P2RY12: variants seen among roughly 807,000 people sequenced by gnomAD.
The protein encoded by P2RY12 is purinergic receptor P2Y12.
A neutral mutation model predicts 4.5 loss-of-function variants in P2RY12; 3 were observed. That is an observed-to-expected ratio of 0.67 (90% CI 0.31 to 1.74). The LOEUF is 1.74. Ranked by LOEUF, P2RY12 falls within the 40% of genes most tolerant of loss-of-function variation. P2RY12 has a pLI of 0.09. For missense variants in P2RY12, 356 were observed against 407.8 expected (o/e 0.87, Z 1.09); for synonymous variants, 148 against 154.1 (o/e 0.96, Z 0.29).
In P2RY12 at chr3:151,338,028, T is replaced by C; in HGVS notation, c.818A>G (p.Glu273Gly). Residue 273 changes from glutamate (E) to glycine (G), a missense_variant, in exon 3 of 3, where the codon GAA becomes GGA. Physicochemically the swap from Glu to Gly is moderately conservative, Grantham distance 98. Transcript: ENST00000302632. ...CTCTTTCACATAGAACAGAGTATTT[T>C]CAGCAGTGCAGTCAAAGACATCCCG... is the stretch of plus-strand genomic sequence containing the variant. ...QTRDVFDCTA[E>G]NTLFYVKEST... 1 of 1,614,116 alleles carries C rather than the reference T, an allele frequency of 6.2e-7. No homozygotes were observed. Among genetic ancestry groups the C allele is most frequent in the Non-Finnish European group, 8.5e-7 (1 of 1,179,996 alleles).
intron 1 of P2RY12, among the ~76,000 whole-genome samples, chr3:151,353,912 C>A (rs1290653562): frequency 1.3e-5 from 2 of 151,902 alleles, no homozygotes; most frequent in East Asian, 3.9e-4. Context: ...GAGGCCGAGG[C>A]GGGCGGATCA....
At chr3:151,382,758 TC>T (rs1382086370) in intron 1 of P2RY12, 1 of 1,594,314 alleles carries the variant, frequency 6.3e-7, no homozygotes, top group South Asian at 1.1e-5. Context: ...AAGTGACATT[TC>T]TAGTATTTTC....
chr3:151,366,568 T>C (rs1755303627), intron 1 of P2RY12, among the ~76,000 whole-genome samples: 1 of 152,204 alleles, frequency 6.6e-6, no homozygotes, highest in Admixed American at 6.5e-5. Context: ...ATGTGTGTAT[T>C]TCTTTAAAAA....
At chr3:151,348,594 A>G (rs1752856662) in intron 1 of P2RY12, among the ~76,000 whole-genome samples, 1 of 150,484 alleles carries the variant, frequency 6.6e-6, no homozygotes, top group Non-Finnish European at 1.5e-5. Flanking sequence ...TTTTGGAGGC[A>G]AATTTGAACA....
chr3:151,376,078 A>G (rs751934880), intron 1 of P2RY12: 3 of 1,610,548 alleles, frequency 1.9e-6, no homozygotes, highest in Non-Finnish European at 2.5e-6. Context: ...TGTACAGACA[A>G]AGAACTTATA....
At chr3:151,374,191 G>A (rs1250606857) in intron 1 of P2RY12, among the ~76,000 whole-genome samples, 2 of 151,456 alleles carry the variant, frequency 1.3e-5, no homozygotes, top group East Asian at 3.9e-4. Flanking sequence ...CACATGGCCG[G>A]GCATGTTAAA....
chr3:151,345,091 C>A (rs2149986145), intron 1 of P2RY12, among the ~76,000 whole-genome samples: 1 of 152,312 alleles, frequency 6.6e-6, no homozygotes, highest in African/African-American at 2.4e-5. Flanking sequence ...TTTCTAGTTT[C>A]TTCATCTATT....
At chr3:151,382,822 T>G (rs1236791845) in intron 1 of P2RY12, 37 of 1,183,512 alleles carry the variant, frequency 3.1e-5, no homozygotes, top group Non-Finnish European at 4.4e-5. Context: ...CCACTTCTCC[T>G]AAGTGCAAAG....
At chr3:151,377,422 A>C (rs1756977559) in intron 1 of P2RY12, among the ~76,000 whole-genome samples, 1 of 152,226 alleles carries the variant, frequency 6.6e-6, no homozygotes, top group Non-Finnish European at 1.5e-5. Context: ...TCATGCTTTC[A>C]GTGTCCCTTA....
intron 1 of P2RY12, among the ~76,000 whole-genome samples, chr3:151,341,014 A>G (rs770648247): frequency 1.2e-4 from 19 of 152,146 alleles, no homozygotes; most frequent in Non-Finnish European, 2.5e-4. Context: ...GTTATTTTCT[A>G]TGCAAATGAT....
chr3:151,361,056 T>G (rs1197885445), intron 1 of P2RY12, among the ~76,000 whole-genome samples: 1 of 152,134 alleles, frequency 6.6e-6, no homozygotes, highest in East Asian at 1.9e-4. Context: ...TTTGCTTTAT[T>G]TGTATCCCTC....
chr3:151,357,178 C>G (rs767671310), intron 1 of P2RY12: 5 of 1,523,076 alleles, frequency 3.3e-6, no homozygotes, highest in Non-Finnish European at 4.4e-6. Flanking sequence ...TGTTTTGGCA[C>G]CTACATGTTT....
intron 1 of P2RY12, among the ~76,000 whole-genome samples, chr3:151,374,024 C>A (rs1756508547): frequency 6.6e-6 from 1 of 152,106 alleles, no homozygotes; most frequent in African/African-American, 2.4e-5. Context: ...CCTACTGATA[C>A]CTTCAATTCC....
chr3:151,378,471 C>A (rs2108088782), intron 1 of P2RY12, among the ~76,000 whole-genome samples: 1 of 152,012 alleles, frequency 6.6e-6, no homozygotes, highest in East Asian at 1.9e-4. Context: ...GCTACCTGAT[C>A]CCTGTATTTT....
intron 1 of P2RY12, among the ~76,000 whole-genome samples, chr3:151,368,586 A>ATTTATTTTATTTTATTTTAT (rs71637017): frequency 1.8e-4 from 22 of 120,782 alleles, no homozygotes; most frequent in African/African-American, 4.0e-4. Flanking sequence ...GGCAATGGTG[A>ATTTATTTTATTTTATTTTAT]TTTATTTTAT....
intron 1 of P2RY12, among the ~76,000 whole-genome samples, chr3:151,342,676 C>T (rs112246813): frequency 1.4e-4 from 22 of 152,230 alleles, no homozygotes; most frequent in African/African-American, 4.6e-4. Context: ...ACATAATAAT[C>T]CCCAAATGTT....
chr3:151,375,748 AC>A lies in P2RY12; in HGVS notation c.-180+8943del, dbSNP rs377207182. 4.5e-3 allele frequency among the ~76,000 whole-genome samples: 690 copies of A among 152,260 alleles called. 8 individuals carry two copies. The highest frequency in any genetic ancestry group is 0.015 in the African/African-American group (638 of 41,576). On this transcript the variant is annotated intron_variant, in intron 1 of 2. Transcript: ENST00000302632. ...AAAATAGTGCCTAGAGCAAGACCTT[AC>A]TTTCCAGTTAAAAACATACTAATAT...
chr3:151,356,134 T>C (rs1577421395), intron 1 of P2RY12: 1 of 1,309,788 alleles, frequency 7.6e-7, no homozygotes, highest in African/African-American at 1.5e-5. Flanking sequence ...GCACAGTGGC[T>C]TGTGCTTGTA....
At position 151,337,198 on chromosome 3, in the gene P2RY12, C is replaced by A. The variant is rs934553438; in HGVS notation, c.*619G>T. On this transcript the variant is annotated 3_prime_UTR_variant, in exon 3 of 3. Coordinates refer to ENST00000302632, the MANE Select transcript of P2RY12 (RefSeq NM_022788.5). Reference sequence around the variant, plus strand: ...TATTTCTTCTCTTTATTGTAAAGGTCTTCTTTAAATCTTTATCTTCTAAAT... The same window carrying A: ...TATTTCTTCTCTTTATTGTAAAGGTATTCTTTAAATCTTTATCTTCTAAAT... 4 of 151,994 alleles carry A rather than the reference C, an allele frequency of 2.6e-5. No homozygotes were observed. The highest frequency in any genetic ancestry group is 9.7e-5 in the African/African-American group (4 of 41,416). The allele number at this position is 151,994 out of a possible 1,614,324, so 9.4% of individuals were successfully genotyped here.
Sources: gnomAD v4.1 joint callset for allele counts (sites outside exome capture counted in the v4.1 genomes callset) on GRCh38, gnomAD v4.1.1 for gene constraint, MANE v1.5 for transcripts, NCBI Gene and HGNC (gene_info 2026-07-23, HGNC 2026-07-21) for gene names.